The following PODNL1 variants were observed in gnomAD, a reference collection of about 807,000 sequenced individuals.
PODNL1 encodes the protein podocan-like protein 1.
Under a neutral mutation model 45.1 loss-of-function variants are expected in PODNL1, and 50 were observed. The ratio of observed to expected loss-of-function variants is 1.11; its 90% confidence interval spans 0.88 to 1.40. The LOEUF (loss-of-function observed/expected upper bound fraction) is 1.40. Among genes scored for constraint, PODNL1 ranks in the 40% most tolerant of loss-of-function variants. PODNL1 has a pLI of 0.00. For missense variants in PODNL1, 788 were observed against 793.3 expected (o/e 0.99, Z 0.08); for synonymous variants, 406 against 372.5 (o/e 1.09, Z -1.04).
intron 1 of PODNL1, among the ~76,000 whole-genome samples, chr19:13,945,372 A>C (rs1359832143): frequency 6.6e-6 from 1 of 151,782 alleles, no homozygotes; most frequent in Non-Finnish European, 1.5e-5. Flanking sequence ...TCAGAAAATT[A>C]GGTTGGGCAA....
chr19:13,952,969 G>T, intron 1 of PODNL1: 1 of 989,000 alleles, frequency 1.0e-6, no homozygotes, highest in Non-Finnish European at 1.5e-6. Flanking sequence ...GGCGATCCAG[G>T]CTTTTCAAAG....
chr19:13,952,744 CG>C, intron 1 of PODNL1: 1 of 112,602 alleles, frequency 8.9e-6, no homozygotes, highest in Non-Finnish European at 1.5e-5. Flanking sequence ...GGGTTGGGGG[CG>C]GGGCCCCAGG....
upstream of PODNL1, among the ~76,000 whole-genome samples, chr19:13,942,828 TACAAAAAAAAACA>T (rs1972696211): frequency 6.9e-6 from 1 of 144,532 alleles, no homozygotes; most frequent in Non-Finnish European, 1.5e-5. Flanking sequence ...TACTAAAAAA[TACAAAAAAAAACA>T]ACAAAAAAAA....
Position 13,933,789 on chromosome 19 carries a change from G to T in PODNL1, c.767+89C>A. The T allele has an allele frequency of 8.5e-7, 1 of 1,174,726 alleles. No homozygotes were observed. The highest frequency in any genetic ancestry group is 1.2e-6 in the Non-Finnish European group (1 of 813,092). 72.8% of individuals were successfully genotyped at this position (1,174,726 alleles called of 1,614,324 possible). On this transcript the variant is annotated intron_variant, in intron 7 of 9. Transcript: ENST00000588872. This position sits in a 1 kb window ranked among gnomAD's most constrained non-coding sequence, Gnocchi z 5.2. ...CAGGCACTCAGTAAATGAGGCCGTG[G>T]CTTAGGAGCCAGTCAGGGAAGGGGG... is the stretch of plus-strand genomic sequence containing the variant.
In PODNL1 at chr19:13,951,003, T is replaced by C. The variant is rs150642314; in HGVS notation, c.18+2116A>G. Among the ~76,000 whole-genome samples, 512 of 146,686 alleles carry C rather than the reference T, an allele frequency of 3.5e-3. 3 individuals carry two copies. The highest frequency in any genetic ancestry group is 0.013 in the African/African-American group (492 of 39,306). ...GGTGAAGGGTGCAGTGAGTTGAGATTGTGCCATTGCACTCCAGCCTGGGCA... is the reference window on the plus strand; with the variant it reads ...GGTGAAGGGTGCAGTGAGTTGAGATCGTGCCATTGCACTCCAGCCTGGGCA... On this transcript the variant is annotated intron_variant, in intron 1 of 7. Transcript: ENST00000538371.
chr19:13,935,965 G>A lies in PODNL1; in HGVS notation c.384+15C>T. ...CCTCACTGGGCTCGGCCTGCGGGTGGGGCTGGGGGCTCACCTTGTTGTGAG... is the reference window on the plus strand; with the variant it reads ...CCTCACTGGGCTCGGCCTGCGGGTGAGGCTGGGGGCTCACCTTGTTGTGAG... On this transcript the variant is annotated intron_variant, in intron 4 of 9. Transcript: ENST00000588872. The A allele has an allele frequency of 6.4e-7, 1 of 1,551,302 alleles. No homozygotes were observed. Among genetic ancestry groups the A allele is most frequent in the Non-Finnish European group, 8.7e-7 (1 of 1,147,748 alleles).
chr19:13,952,709 G>C, intron 1 of PODNL1: 1 of 1,303,316 alleles, frequency 7.7e-7, no homozygotes, highest in Non-Finnish European at 9.7e-7. Context: ...GGGAGGCGGA[G>C]GGAGGAGGGC....
At position 13,933,429 on chromosome 19, in the gene PODNL1, T is replaced by C; in HGVS notation, c.794A>G (p.Asp265Gly). 6.3e-7 allele frequency: 1 copy of C among 1,588,642 alleles called. No individual in the cohort carries two copies. ...FSKLHSLEYL[D>G]LSHNQLTTVP... ...TGTGGTCAGCTGGTTGTGGGAGAGA[T>C]CCAGGTATTCAAGGCTATGCAGCTT... Residue 265 changes from aspartate to glycine, a missense_variant, in exon 8 of 10, where the codon GAT becomes GGT. Transcript: ENST00000588872. This position sits in a 1 kb window ranked among gnomAD's most constrained non-coding sequence, Gnocchi z 5.2.
chr19:13,932,673 C>T, intron 8 of PODNL1, 125 bp downstream of exon 8: 1 of 1,578,658 alleles, frequency 6.3e-7, no homozygotes, highest in Non-Finnish European at 8.6e-7. Context: ...CACCTTCTAA[C>T]CCACTCTTAT....
rs375893468 is a variant in PODNL1, at chr19:13,947,658, G to A, written c.18+5461C>T. 1.3e-4 allele frequency among the ~76,000 whole-genome samples: 20 copies of A among 152,172 alleles called. 1 individual carries two copies. The South Asian group carries it at 3.3e-3, about 25-fold the overall frequency. The stretch of plus-strand genomic sequence containing the variant: ...AAAACAGTCTGTTTGTCCCATGTAC[G>A]TATTCAACTGACTTGGGCCAAACTG... On this transcript the variant is annotated intron_variant, in intron 1 of 7. Transcript: ENST00000538371.
intron 5 of PODNL1, 88 bp from the exon 6 acceptor site, chr19:13,934,498 A>AGAGT (rs1972189152): frequency 1.1e-6 from 1 of 882,548 alleles, no homozygotes; most frequent in Non-Finnish European, 1.5e-6. Flanking sequence ...GGTCGCCTTC[A>AGAGT]GTGTGTGTGT....
At position 13,933,219 on chromosome 19, in the gene PODNL1, A is replaced by G; in HGVS notation, c.1004T>C (p.Leu335Pro). 6.5e-7 allele frequency: 1 copy of G among 1,538,664 alleles called. No individual in the cohort carries two copies. Residue 335 changes from leucine to proline, a missense_variant, in exon 8 of 10, where the codon CTG becomes CCG. Coordinates refer to ENST00000588872, the MANE Select transcript of PODNL1 (RefSeq NM_001370095.3). This position sits in a 1 kb window ranked among gnomAD's most constrained non-coding sequence, Gnocchi z 5.2. ...ALRPLRGLHT[L>P]HLYGNGLDRV... ...GTCCAGCCCATTGCCATAGAGGTGC[A>G]GCGTGTGCAGGCCCCGCAGCGGCCG...
At chr19:13,932,773 T>C (rs1397065791) in intron 8 of PODNL1, 25 bp downstream of exon 8, 1 of 1,612,668 alleles carries the variant, frequency 6.2e-7, no homozygotes, top group South Asian at 1.1e-5. Flanking sequence ...CTGGGGACAG[T>C]GTGGCTAACC....
chr19:13,936,123 G>A (rs1397748196), intron 3 of PODNL1, 79 bp from the exon 4 acceptor site: 3 of 1,306,626 alleles, frequency 2.3e-6, no homozygotes, highest in East Asian at 2.5e-5. Context: ...AGCTGCCCCA[G>A]GACTCTCGGC....
intron 8 of PODNL1, chr19:13,932,367 C>T (rs1440981934): frequency 1.6e-5 from 8 of 485,896 alleles, no homozygotes; most frequent in Non-Finnish European, 2.7e-5. Context: ...TCTTTCATCA[C>T]TTTTTTTTTC....
chr19:13,940,631 C>T (rs1972628014), upstream of PODNL1, among the ~76,000 whole-genome samples: 1 of 151,400 alleles, frequency 6.6e-6, no homozygotes. Flanking sequence ...ACCTGTAATC[C>T]CAGCACTTTG....
chr19:13,941,498 C>T (rs975061437), upstream of PODNL1, among the ~76,000 whole-genome samples: 1 of 151,608 alleles, frequency 6.6e-6, no homozygotes, highest in Admixed American at 6.6e-5. Context: ...GGCAGTGATA[C>T]AGGGGAGGGA....
chr19:13,933,161 A>G lies in PODNL1; in HGVS notation c.1062T>C (p.Arg354=). 1 of 1,531,770 alleles carries G rather than the reference A, an allele frequency of 6.5e-7. No individual in the cohort carries two copies. Among genetic ancestry groups the G allele is most frequent in the East Asian group, 2.4e-5 (1 of 40,920 alleles). The allele number at this position is 1,531,770 out of a possible 1,614,324, so 94.9% of individuals were successfully genotyped here. ...CGTGGTTGTGGGGCAGCACCAGGGC[A>G]CGCAGGCGGCGGGGCAGGGCTGGAG... ...RVPPALPRRL[R]ALVLPHNHVA... Residue 354 remains arginine, a synonymous_variant, in exon 8 of 10, where the codon CGT becomes CGC. Transcript: ENST00000588872. The surrounding 1 kb of genome is among the most constrained non-coding windows in gnomAD (Gnocchi z 5.2).
intron 5 of PODNL1, 88 bp from the exon 6 acceptor site, chr19:13,934,498 AGTGTGTGTGTGTGTGT>A: frequency 1.0e-6 from 1 of 979,642 alleles, no homozygotes; most frequent in Non-Finnish European, 1.4e-6. Flanking sequence ...GGTCGCCTTC[AGTGTGTGTGTGTGTGT>A]GTGTGTGTGT....
Sources: allele counts gnomAD v4.1 joint callset (sites outside exome capture counted in the v4.1 genomes callset), GRCh38; gene constraint gnomAD v4.1.1; non-coding constraint Gnocchi (gnomAD v3.1); transcripts MANE v1.5; gene names NCBI Gene and HGNC (gene_info 2026-07-23, HGNC 2026-07-21).